Variants in NFASC observed in about 807,000 individuals in gnomAD.
The protein encoded by NFASC is neurofascin homolog.
Under a neutral mutation model 147.5 loss-of-function variants are expected in NFASC, and 43 were observed. The ratio of observed to expected loss-of-function variants is 0.29; its 90% CI spans 0.23 to 0.38. NFASC has a LOEUF of 0.38. Among genes scored for constraint, NFASC ranks in the 10% least tolerant of loss-of-function variants. The pLI is 1.00. For synonymous variants in NFASC, 622 were observed against 665.5 expected, an observed-to-expected ratio of 0.93 and a Z score of 1.01; for missense variants, 1,320 against 1,689.0, an observed-to-expected ratio of 0.78 and a Z score of 3.83.
chr1:204,906,144 T>G (rs1438556171), intron 1 of NFASC, among the ~76,000 whole-genome samples: 2 of 152,204 alleles, frequency 1.3e-5, no homozygotes, highest in Non-Finnish European at 2.9e-5. Flanking sequence ...GAGGTGTATC[T>G]TCATTGTTTT....
chr1:204,966,456 C>A (rs780490922), intron 8 of NFASC, among the ~76,000 whole-genome samples: 1 of 152,126 alleles, frequency 6.6e-6, no homozygotes, highest in Admixed American at 6.5e-5. Flanking sequence ...GACAACAGAG[C>A]CTTCTGCCCT....
chr1:204,913,279 A>G (rs1468000719), intron 1 of NFASC, among the ~76,000 whole-genome samples: 9 of 152,216 alleles, frequency 5.9e-5, no homozygotes. Context: ...AAGTTAATTT[A>G]TAATTTTAAT....
intron 23 of NFASC, among the ~76,000 whole-genome samples, chr1:204,990,999 G>C (rs2095717902): frequency 6.6e-6 from 1 of 152,222 alleles, no homozygotes; most frequent in Non-Finnish European, 1.5e-5. Flanking sequence ...CCACCTTTTA[G>C]ATGTCCAGTC....
intron 1 of NFASC, among the ~76,000 whole-genome samples, chr1:204,873,648 G>A (rs1209468471): frequency 6.6e-6 from 1 of 151,648 alleles, no homozygotes; most frequent in African/African-American, 2.4e-5. Flanking sequence ...TGCGGGTCAT[G>A]TGTGCTAGGG....
intron 2 of NFASC, among the ~76,000 whole-genome samples, chr1:204,942,619 G>T (rs2093433209): frequency 6.6e-6 from 1 of 151,490 alleles, no homozygotes; most frequent in South Asian, 2.1e-4. Flanking sequence ...ATTATTATGT[G>T]TCAATTAAAA....
At chr1:204,916,250 A>G (rs1162387278) in intron 1 of NFASC, among the ~76,000 whole-genome samples, 1 of 152,202 alleles carries the variant, frequency 6.6e-6, no homozygotes, top group East Asian at 1.9e-4. Flanking sequence ...TCCTCCCTGG[A>G]GTATCAGGTA....
intron 1 of NFASC, among the ~76,000 whole-genome samples, chr1:204,830,657 TAGAG>T (rs10671660): frequency 3.4e-5 from 5 of 147,076 alleles, no homozygotes; most frequent in East Asian, 2.0e-4. Flanking sequence ...GATGTGTGTA[TAGAG>T]AGAGAGAGAG....
At chr1:204,857,919 C>CTTTTTTTTT (rs58996261) in intron 1 of NFASC, among the ~76,000 whole-genome samples, 2 of 122,562 alleles carry the variant, frequency 1.6e-5, no homozygotes, top group African/African-American at 3.3e-5. Flanking sequence ...TCTTCTTCTT[C>CTTTTTTTTT]TTTTTTTTTT....
At chr1:204,969,567 G>A (rs921417658) in intron 10 of NFASC, among the ~76,000 whole-genome samples, 3 of 152,182 alleles carry the variant, frequency 2.0e-5, no homozygotes, top group East Asian at 3.9e-4. Flanking sequence ...AATGATGTTC[G>A]AGACCAGAGT....
intron 1 of NFASC, among the ~76,000 whole-genome samples, chr1:204,869,535 C>T (rs1056129831): frequency 6.6e-6 from 1 of 151,840 alleles, no homozygotes; most frequent in Non-Finnish European, 1.5e-5. Flanking sequence ...TATTTCATTG[C>T]TTATGAGAGT....
chr1:204,988,821 G>A lies in NFASC; in HGVS notation c.2767+15G>A, dbSNP rs761431229. On this transcript the variant is annotated intron_variant, in intron 23 of 29. Coordinates refer to ENST00000339876, the MANE Select transcript of NFASC (RefSeq NM_001005388.3). Reference sequence around the variant, plus strand: ...CCCGAATGAAGGTAGGTGCATGGCAGCAGCCCCTGGGGTAAAAGGTCCCAG... The same window carrying A: ...CCCGAATGAAGGTAGGTGCATGGCAACAGCCCCTGGGGTAAAAGGTCCCAG... 3 of 1,612,684 alleles carry A rather than the reference G, an allele frequency of 1.9e-6. No homozygotes were observed. Among genetic ancestry groups the A allele is most frequent in the Non-Finnish European group, 2.5e-6 (3 of 1,179,140 alleles).
Position 204,987,269 on chromosome 1 carries a change from A to T in NFASC, c.2471-149A>T. 1.4e-6 allele frequency: 1 copy of T among 722,372 alleles called. No homozygotes were observed. The highest frequency in any genetic ancestry group is 2.6e-5 in the Admixed American group (1 of 37,786). The allele number at this position is 722,372 out of a possible 1,614,324, so 44.7% of individuals were successfully genotyped here. A position where few individuals can be genotyped will look rare whatever the true frequency, so the allele number is the denominator to read the frequency against. On this transcript the variant is annotated intron_variant, in intron 21 of 29. Transcript: ENST00000339876. This position sits in a 1 kb window ranked among gnomAD's most constrained non-coding sequence, Gnocchi z 4.4. ...TGGGGCAATGGGCTCCGGTCGTCTC[A>T]CGGTTCTCCCAGGCTTCAGTTTAGC...
chr1:204,989,985 G>C (rs2095689479), intron 23 of NFASC: 1 of 152,352 alleles, frequency 6.6e-6, no homozygotes. Flanking sequence ...GAGAGCATCA[G>C]TGCTGCCTTC....
chr1:204,892,173 T>C (rs2082539525), intron 1 of NFASC, among the ~76,000 whole-genome samples: 1 of 152,192 alleles, frequency 6.6e-6, no homozygotes. Context: ...TGACTACACA[T>C]TTGAGGACTG....
At chr1:204,932,401 A>G (rs1307562557) in intron 2 of NFASC, among the ~76,000 whole-genome samples, 2 of 152,188 alleles carry the variant, frequency 1.3e-5, no homozygotes, top group African/African-American at 4.8e-5. Flanking sequence ...TGGATCTTCC[A>G]TTCCATAAAT....
intron 16 of NFASC, 119 bp from the exon 17 acceptor site, chr1:204,977,562 C>A: frequency 1.2e-6 from 1 of 840,122 alleles, no homozygotes; most frequent in Non-Finnish European, 1.9e-6. Flanking sequence ...GACAGCCCTG[C>A]CTAGAACACC....
chr1:204,829,515 G>A (rs577755083), intron 1 of NFASC, among the ~76,000 whole-genome samples: 113 of 152,206 alleles, frequency 7.4e-4, no homozygotes, highest in African/African-American at 2.5e-3. Flanking sequence ...GGGGATCTTG[G>A]TTGTGGAATA....
At chr1:204,995,224 A>T (rs985779638) in intron 24 of NFASC, among the ~76,000 whole-genome samples, 2 of 152,128 alleles carry the variant, frequency 1.3e-5, no homozygotes, top group Non-Finnish European at 2.9e-5. Context: ...ATGTGTGTCT[A>T]TGGCCATGAG....
intron 1 of NFASC, among the ~76,000 whole-genome samples, chr1:204,878,674 G>A (rs1045830022): frequency 7.2e-5 from 11 of 152,230 alleles, no homozygotes; most frequent in Admixed American, 6.5e-4. Context: ...CACTTGGCCA[G>A]TCTTGTTTCA....
Sources: gnomAD v4.1 joint callset for allele counts (sites outside exome capture counted in the v4.1 genomes callset) on GRCh38, gnomAD v4.1.1 for gene constraint, Gnocchi (gnomAD v3.1) non-coding constraint, MANE v1.5 for transcripts, NCBI Gene and HGNC (gene_info 2026-07-23, HGNC 2026-07-21) for gene names.